CFAP61: variants seen among roughly 807,000 people sequenced by gnomAD.
CFAP61 encodes the protein cilia and flagella associated protein 61, also known as cilia- and flagella-associated protein 61.
Under a neutral mutation model 135.6 loss-of-function variants are expected in CFAP61, and 107 were observed. The ratio of observed to expected loss-of-function variants is 0.79; its 90% CI spans 0.67 to 0.93. CFAP61 has a LOEUF of 0.93. CFAP61 is among the 40% of genes least tolerant of loss of function. The pLI, the probability that CFAP61 is intolerant of heterozygous loss-of-function variation, is 0.00. For missense variants in CFAP61, 1,507 were observed against 1,556.2 expected (o/e 0.97, Z 0.53); for synonymous variants, 575 against 578.5 (o/e 0.99, Z 0.09).
In CFAP61 at chr20:20,228,307, T is replaced by G; in HGVS notation, c.1991T>G (p.Val664Gly). 1 of 1,611,042 alleles carries G rather than the reference T, an allele frequency of 6.2e-7. No homozygotes were observed. The highest frequency in any genetic ancestry group is 8.5e-7 in the Non-Finnish European group (1 of 1,177,348). Reference sequence around the variant, plus strand: ...CTAACATTGGAACCTAAAATTACTGTCAATGCCAAGATCATTGTGGTTGGT... The same window carrying G: ...CTAACATTGGAACCTAAAATTACTGGCAATGCCAAGATCATTGTGGTTGGT... ...RKLTLEPKIT[V>G]NAKIIVVGAS... The change falls in exon 18 of 27, where the codon GTC becomes GGC. Residue 664 changes from valine to glycine, a missense_variant. Coordinates refer to ENST00000245957, the MANE Select transcript of CFAP61 (RefSeq NM_015585.4).
chr20:20,295,002 C>CAA (rs34065472), intron 24 of CFAP61, among the ~76,000 whole-genome samples: 9 of 149,696 alleles, frequency 6.0e-5, no homozygotes, highest in African/African-American at 1.7e-4. Context: ...AAGTCCATAA[C>CAA]AAAAAAAATC....
At chr20:20,296,628 T>C (rs1288264493) in intron 24 of CFAP61, among the ~76,000 whole-genome samples, 1 of 152,132 alleles carries the variant, frequency 6.6e-6, no homozygotes, top group African/African-American at 2.4e-5. Context: ...TGATCATTTT[T>C]TAAAAATTAG....
At chr20:20,187,649 C>A (rs1322338551) in intron 13 of CFAP61, among the ~76,000 whole-genome samples, 3 of 152,118 alleles carry the variant, frequency 2.0e-5, no homozygotes, top group African/African-American at 7.2e-5. Flanking sequence ...TGAAATAAAT[C>A]ATAGTGCTAT....
intron 8 of CFAP61, among the ~76,000 whole-genome samples, chr20:20,131,925 G>C (rs1315043782): frequency 1.3e-5 from 2 of 151,730 alleles, no homozygotes; most frequent in African/African-American, 4.8e-5. Context: ...GAATGTTCTT[G>C]TTTTTTTATT....
intron 6 of CFAP61, among the ~76,000 whole-genome samples, chr20:20,076,427 T>C (rs2146580861): frequency 6.6e-6 from 1 of 152,306 alleles, no homozygotes; most frequent in South Asian, 2.1e-4. Flanking sequence ...TGAGCCATTG[T>C]GGACACCCAG....
intron 4 of CFAP61, among the ~76,000 whole-genome samples, chr20:20,074,979 C>A (rs1244893686): frequency 6.6e-6 from 1 of 152,170 alleles, no homozygotes. Context: ...TGGGACAGAT[C>A]GAAAAGGGGC....
At chr20:20,068,642 A>G (rs1033147906) in intron 2 of CFAP61, among the ~76,000 whole-genome samples, 12 of 152,214 alleles carry the variant, frequency 7.9e-5, no homozygotes, top group African/African-American at 1.4e-4. Context: ...CCCCAGCACA[A>G]TGTTTCCCAA....
Position 20,098,826 on chromosome 20 carries a change from A to G in CFAP61, c.859+12A>G. 2 of 1,606,412 alleles carry G rather than the reference A, an allele frequency of 1.2e-6. No individual in the cohort carries two copies. The highest frequency in any genetic ancestry group is 1.3e-5 in the African/African-American group (1 of 74,686). On this transcript the variant is annotated intron_variant, in intron 8 of 26. Transcript: ENST00000245957. ...CCGAAGAAGTCAAGGTACAGTGGCT[A>G]TCACAGGGACACACTGGGAAATTAA...
chr20:20,207,257 CTTTG>C (rs2056896352), intron 17 of CFAP61, among the ~76,000 whole-genome samples: 2 of 152,186 alleles, frequency 1.3e-5, no homozygotes. Flanking sequence ...CCAGCAGGTT[CTTTG>C]TTTGACCCAC....
chr20:20,225,095 G>A (rs563125012), intron 17 of CFAP61, among the ~76,000 whole-genome samples: 1 of 152,178 alleles, frequency 6.6e-6, no homozygotes, highest in African/African-American at 2.4e-5. Context: ...GGAACATAAA[G>A]GAAGAAAATA....
chr20:20,202,861 C>T (rs2056689230), intron 17 of CFAP61, among the ~76,000 whole-genome samples: 1 of 152,124 alleles, frequency 6.6e-6, no homozygotes, highest in Non-Finnish European at 1.5e-5. Flanking sequence ...TCTTTCATAC[C>T]TTTTATCCTA....
intron 1 of CFAP61, chr20:20,052,803 C>A (rs1426775599): frequency 7.3e-7 from 1 of 1,374,310 alleles, no homozygotes; most frequent in Admixed American, 2.6e-5. Context: ...CTACCATTCC[C>A]AGCATGCGAC....
chr20:20,099,884 C>A (rs1429031651), intron 8 of CFAP61, among the ~76,000 whole-genome samples: 3 of 152,110 alleles, frequency 2.0e-5, no homozygotes, highest in African/African-American at 7.2e-5. Flanking sequence ...TGCATAAACC[C>A]CGTGCACAGT....
intron 25 of CFAP61, among the ~76,000 whole-genome samples, chr20:20,311,870 C>T (rs745805446): frequency 1.3e-5 from 2 of 152,136 alleles, no homozygotes; most frequent in Non-Finnish European, 2.9e-5. Context: ...TGCCTGTTCC[C>T]ACCAGCCAGA....
intron 25 of CFAP61, among the ~76,000 whole-genome samples, chr20:20,327,875 C>T (rs941104055): frequency 6.6e-6 from 1 of 151,226 alleles, no homozygotes; most frequent in East Asian, 1.9e-4. Flanking sequence ...TCTTTCTTCC[C>T]AGTAGATCAT....
chr20:20,160,498 C>T (rs998849004), intron 10 of CFAP61, among the ~76,000 whole-genome samples: 1 of 152,124 alleles, frequency 6.6e-6, no homozygotes, highest in African/African-American at 2.4e-5. Context: ...AAGCTTGGAC[C>T]GAGAACACAA....
intron 18 of CFAP61, among the ~76,000 whole-genome samples, chr20:20,236,819 T>A (rs1028098107): frequency 2.0e-5 from 3 of 152,224 alleles, no homozygotes; most frequent in African/African-American, 7.2e-5. Context: ...AATTGATTTG[T>A]GTCTTGTATT....
chr20:20,107,140 AGTTTTT>A (rs2048466163), intron 8 of CFAP61, among the ~76,000 whole-genome samples: 7 of 152,224 alleles, frequency 4.6e-5, no homozygotes, highest in Non-Finnish European at 5.9e-5. Flanking sequence ...GTTTACAAAG[AGTTTTT>A]GATGATTCTT....
chr20:20,190,780 A>G (rs2055865452), intron 14 of CFAP61, among the ~76,000 whole-genome samples: 1 of 152,188 alleles, frequency 6.6e-6, no homozygotes, highest in African/African-American at 2.4e-5. Context: ...CAGTTTCACT[A>G]AGGAATATCC....
Sources: allele counts gnomAD v4.1 joint callset (sites outside exome capture counted in the v4.1 genomes callset), GRCh38; gene constraint gnomAD v4.1.1; transcripts MANE v1.5; gene names NCBI Gene and HGNC (gene_info 2026-07-23, HGNC 2026-07-21).